ZNF277: variants seen among roughly 807,000 people sequenced by gnomAD.
The protein encoded by ZNF277 is nuclear receptor-interacting factor 4.
A neutral mutation model predicts 60.7 loss-of-function variants in ZNF277; 55 were observed. The ratio of observed to expected loss-of-function variants is 0.91; its 90% confidence interval spans 0.73 to 1.13. The LOEUF (loss-of-function observed/expected upper bound fraction) is 1.13. Among genes scored for constraint, ZNF277 ranks in the 50% most tolerant of loss-of-function variants. ZNF277 has a pLI of 0.00. For synonymous variants in ZNF277, 178 were observed against 179.3 expected (o/e 0.99, Z 0.06); for missense variants, 510 against 523.0 (o/e 0.98, Z 0.24).
At chr7:112,329,119 C>A (rs1360423553) in intron 6 of ZNF277, among the ~76,000 whole-genome samples, 2 of 151,982 alleles carry the variant, frequency 1.3e-5, no homozygotes, top group African/African-American at 4.8e-5. Context: ...TATTATTATG[C>A]CCTGGAATAT....
chr7:112,283,380 G>T lies in ZNF277; in HGVS notation c.92-3493G>T, dbSNP rs372987701. Among the ~76,000 whole-genome samples the T allele has an allele frequency of 5.9e-5, 9 of 152,244 alleles. No individual in the cohort carries two copies. The East Asian group carries it at 1.7e-3, about 29-fold the overall frequency. ...TCTACTGAAAATACAAAAATTAGCA[G>T]GGTGTAGTGGCAGGCACCTGTAATC... On this transcript the variant is annotated intron_variant, in intron 1 of 11. Coordinates refer to ENST00000361822, the MANE Select transcript of ZNF277 (RefSeq NM_021994.3).
intron 1 of ZNF277, among the ~76,000 whole-genome samples, chr7:112,228,545 C>T (rs144657204): frequency 0.013 from 1,677 of 133,024 alleles, 33 homozygotes; most frequent in African/African-American, 0.044. Flanking sequence ...ATACATTGAC[C>T]TTGTCATTCC....
At chr7:112,248,655 A>C (rs527869197) in intron 1 of ZNF277, among the ~76,000 whole-genome samples, 1 of 152,058 alleles carries the variant, frequency 6.6e-6, no homozygotes, top group East Asian at 1.9e-4. Context: ...CTGTATATGT[A>C]TGTATAAACA....
chr7:112,301,754 G>A (rs1792475601), intron 4 of ZNF277, among the ~76,000 whole-genome samples: 1 of 150,752 alleles, frequency 6.6e-6, no homozygotes, highest in Non-Finnish European at 1.5e-5. Context: ...ATTATAGTTA[G>A]TTATTTTAAA....
chr7:112,296,440 A>G (rs1390532238), intron 4 of ZNF277, 129 bp downstream of exon 4: 4 of 459,014 alleles, frequency 8.7e-6, no homozygotes, highest in Non-Finnish European at 1.5e-5. Context: ...AGAGGAGACA[A>G]TACAAAAAGG....
At chr7:112,249,697 T>C (rs2117007468) in intron 1 of ZNF277, among the ~76,000 whole-genome samples, 1 of 152,278 alleles carries the variant, frequency 6.6e-6, no homozygotes, top group East Asian at 1.9e-4. Context: ...ATTTATTAGT[T>C]CCCCAAATTA....
rs531489981 is a variant in ZNF277, at chr7:112,260,148, C to T, written c.92-26725C>T. Among the ~76,000 whole-genome samples the T allele has an allele frequency of 3.9e-5, 6 of 152,234 alleles. No homozygotes were observed. In the South Asian group the frequency reaches 1.2e-3, roughly 32 times the overall value. On this transcript the variant is annotated intron_variant, in intron 1 of 11. Coordinates refer to ENST00000361822, the MANE Select transcript of ZNF277 (RefSeq NM_021994.3). The stretch of plus-strand genomic sequence containing the variant: ...CGGCATGGTGGTGTGCGCCTGTGGT[C>T]CTAGCTACTCAGGAGGCTGAGATGG...
chr7:112,318,330 C>A, intron 5 of ZNF277, 57 bp downstream of exon 5: 1 of 1,420,802 alleles, frequency 7.0e-7, no homozygotes, highest in Non-Finnish European at 9.9e-7. Context: ...CTCATCAGAA[C>A]ATCCCTAACT....
intron 5 of ZNF277, among the ~76,000 whole-genome samples, chr7:112,327,127 G>A (rs754340973): frequency 6.6e-6 from 1 of 152,170 alleles, no homozygotes; most frequent in Admixed American, 6.5e-5. Context: ...CCTCTTACTC[G>A]TCTCCATGAT....
At chr7:112,250,855 A>G (rs1472482888) in intron 1 of ZNF277, among the ~76,000 whole-genome samples, 1 of 152,168 alleles carries the variant, frequency 6.6e-6, no homozygotes, top group African/African-American at 2.4e-5. Flanking sequence ...CCTCTCACCA[A>G]TAAACATTAA....
At chr7:112,256,422 T>C (rs1040237346) in intron 1 of ZNF277, among the ~76,000 whole-genome samples, 2 of 67,158 alleles carry the variant, frequency 3.0e-5, no homozygotes, top group African/African-American at 3.1e-4. Flanking sequence ...TTCTTTGGAG[T>C]TTTTTTTTTT....
chr7:112,225,897 A>C (rs958559153), intron 1 of ZNF277, among the ~76,000 whole-genome samples: 3 of 152,194 alleles, frequency 2.0e-5, no homozygotes, highest in African/African-American at 7.2e-5. Context: ...ACATGAAGAA[A>C]ATTTTTTGAG....
At chr7:112,250,280 G>C (rs146107261) in intron 1 of ZNF277, among the ~76,000 whole-genome samples, 1,982 of 152,196 alleles carry the variant, frequency 0.013, 47 homozygotes, top group African/African-American at 0.046. Flanking sequence ...TGGTCAGACG[G>C]GTTGATCTCA....
At chr7:112,337,346 A>G (rs1793354021) in intron 8 of ZNF277, among the ~76,000 whole-genome samples, 1 of 152,210 alleles carries the variant, frequency 6.6e-6, no homozygotes, top group South Asian at 2.1e-4. Flanking sequence ...CCGGCATCAC[A>G]CCTCACAGCG....
intron 1 of ZNF277, among the ~76,000 whole-genome samples, chr7:112,236,549 GTCC>G (rs578231390): frequency 3.4e-4 from 51 of 151,950 alleles, no homozygotes; most frequent in Non-Finnish European, 5.9e-4. Context: ...GAGAAAAAAT[GTCC>G]TCATTAGTTA....
intron 1 of ZNF277, among the ~76,000 whole-genome samples, chr7:112,253,273 T>C (rs145200887): frequency 2.0e-5 from 3 of 152,316 alleles, no homozygotes; most frequent in East Asian, 3.9e-4. Flanking sequence ...ATCAAAGAAC[T>C]GAAATTTGAA....
chr7:112,327,862 GT>G, intron 6 of ZNF277, 35 bp downstream of exon 6: 1 of 1,379,906 alleles, frequency 7.2e-7, no homozygotes, highest in Non-Finnish European at 1.0e-6. Flanking sequence ...GCCTAAAGCT[GT>G]TTTAATCTTG....
chr7:112,256,421 G>GT (rs779126085), intron 1 of ZNF277, among the ~76,000 whole-genome samples: 8,116 of 95,380 alleles, frequency 0.085, 920 homozygotes, highest in East Asian at 0.13. Context: ...CTTCTTTGGA[G>GT]TTTTTTTTTT....
chr7:112,326,090 A>C (rs1793087787), intron 5 of ZNF277, among the ~76,000 whole-genome samples: 1 of 152,126 alleles, frequency 6.6e-6, no homozygotes, highest in African/African-American at 2.4e-5. Flanking sequence ...CCCTGAGTAC[A>C]TTCAGTGTGA....
Sources: gnomAD v4.1 joint callset for allele counts (sites outside exome capture counted in the v4.1 genomes callset) on GRCh38, gnomAD v4.1.1 for gene constraint, MANE v1.5 for transcripts, NCBI Gene and HGNC (gene_info 2026-07-23, HGNC 2026-07-21) for gene names.